Variants in ZAN observed in about 807,000 individuals in gnomAD.
ZAN encodes the protein zonadhesin.
ZAN carries 260 observed loss-of-function variants against 286.2 expected under a neutral mutation model. The observed-to-expected ratio is 0.91, with a 90% CI of 0.82 to 1.01. The LOEUF (loss-of-function observed/expected upper bound fraction) is 1.01. ZAN is among the 50% of genes least tolerant of loss of function. The pLI is 0.00. For missense variants in ZAN, 3,410 were observed against 3,639.2 expected (o/e 0.94, Z 1.62); for synonymous variants, 1,368 against 1,417.5 (o/e 0.97, Z 0.79).
intron 45 of ZAN, among the ~76,000 whole-genome samples, chr7:100,796,243 C>T (rs1181685885): frequency 3.9e-5 from 6 of 152,072 alleles, no homozygotes; most frequent in Non-Finnish European, 1.5e-5. Context: ...TGTGCCTCTC[C>T]AGCACCTTCC....
chr7:100,771,225 C>T (rs1348251518), intron 28 of ZAN, among the ~76,000 whole-genome samples: 1 of 152,110 alleles, frequency 6.6e-6, no homozygotes, highest in African/African-American at 2.4e-5. Flanking sequence ...TAGGCGGGAG[C>T]CACCACACAA....
rs924011520 is a variant in ZAN at position 100,747,633 on chromosome 7, C to T, written c.1015C>T (p.Arg339Trp). 3.2e-5 allele frequency: 52 copies of T among 1,613,660 alleles called. No individual in the cohort carries two copies. The East Asian group carries it at 7.8e-4, about 24-fold the overall frequency. The part of the protein sequence containing the change: ...AVSVNYTAVG[R>W]IQFAVVGVFG... ...TTCTGTCAATTACACAGCCGTGGGACGGATACAGGTACAGAGAAGCAAGGG... is the reference window on the plus strand; with the variant it reads ...TTCTGTCAATTACACAGCCGTGGGATGGATACAGGTACAGAGAAGCAAGGG... The change falls in exon 9 of 48, where the codon CGG (arginine) becomes TGG (tryptophan). Residue 339 changes from arginine (R) to tryptophan (W), a missense_variant. Around this residue, in one of 7 missense-constraint regions of ZAN, gnomAD observed 872 missense variants for 938.9 expected, o/e 0.93. Coordinates refer to ENST00000613979, the MANE Select transcript of ZAN (RefSeq NM_003386.3).
chr7:100,766,728 G>T, intron 24 of ZAN, 62 bp downstream of exon 24: 1 of 1,516,614 alleles, frequency 6.6e-7, no homozygotes, highest in South Asian at 1.3e-5. Flanking sequence ...CAAGGTGATG[G>T]GTCCTGCCCA....
In ZAN at chr7:100,758,639, G is replaced by C. The variant is rs768491766; in HGVS notation, c.3560G>C (p.Gly1187Ala). ...KCTYILAQPC[G>A]NSTDPFFRVT... is the part of the protein sequence containing the mutation. ...ACTTACATCTTGGCCCAGCCCTGTG[G>C]CAACTCAACAGGTAGGCCCTGGAGA... Residue 1187 changes from glycine to alanine, a missense_variant, in exon 17 of 48, where the codon GGC becomes GCC. This residue lies in a region of ZAN where 1,042 missense variants were observed against 1,058.0 expected (regional missense o/e 0.98). Coordinates refer to ENST00000613979, the MANE Select transcript of ZAN (RefSeq NM_003386.3). 8 of 1,554,700 alleles carry C rather than the reference G, an allele frequency of 5.1e-6. No homozygotes were observed. The Admixed American group carries it at 7.8e-5, about 15-fold the overall frequency.
chr7:100,795,166 C>G, intron 44 of ZAN, 30 bp from the exon 45 acceptor site: 1 of 1,595,636 alleles, frequency 6.3e-7, no homozygotes. Context: ...TCCCAGGGCC[C>G]CCCTCCCACA....
Position 100,740,019 on chromosome 7 carries a change from G to A in ZAN, c.766+1406G>A, listed in dbSNP as rs577886314. Among the ~76,000 whole-genome samples the A allele has an allele frequency of 3.5e-5, 5 of 141,518 alleles. No individual in the cohort carries two copies. The South Asian group carries it at 6.6e-4, about 19-fold the overall frequency. 92.8% of individuals were successfully genotyped at this position (141,518 alleles called of 152,430 possible). On this transcript the variant is annotated intron_variant, in intron 7 of 47. Transcript: ENST00000613979. ...TCACATTCAGGACACATTTGAGCAC[G>A]AACTTGAAAAAGGTGAGGTAGTAGC...
intron 7 of ZAN, among the ~76,000 whole-genome samples, chr7:100,741,149 C>T (rs1394543175): frequency 4.1e-4 from 19 of 46,848 alleles, no homozygotes; most frequent in Admixed American, 2.9e-3. Context: ...GCTGGCCGGG[C>T]GGGGGGCTGA....
chr7:100,788,992 C>T (rs1169558373), intron 38 of ZAN, among the ~76,000 whole-genome samples: 1 of 152,150 alleles, frequency 6.6e-6, no homozygotes, highest in Admixed American at 6.6e-5. Context: ...AGCCACTGTG[C>T]CCGGCCTCAC....
intron 20 of ZAN, 56 bp downstream of exon 20, chr7:100,762,414 A>ACG: frequency 7.5e-7 from 1 of 1,341,416 alleles, no homozygotes; most frequent in Non-Finnish European, 9.7e-7. Flanking sequence ...CCTTCCTGGA[A>ACG]CTCTCTTTTT....
Position 100,792,059 on chromosome 7 carries a change from C to A in ZAN, c.7623C>A (p.Ser2541Arg), listed in dbSNP as rs751537325. ...VSECSPEQLA[S>R]NSTQACRVLA... Reference sequence around the variant, plus strand: ...AATGTAGCCCGGAGCAGCTGGCGAGCAACAGCACCCAGGCCTGTAGGGTGC... The same window carrying A: ...AATGTAGCCCGGAGCAGCTGGCGAGAAACAGCACCCAGGCCTGTAGGGTGC... Residue 2541 changes from serine to arginine, a missense_variant, in exon 41 of 48, where the codon AGC becomes AGA. This residue lies in a region of ZAN where 1,289 missense variants were observed against 1,314.3 expected (regional missense o/e 0.98). Transcript: ENST00000613979. The A allele has an allele frequency of 2.5e-6, 4 of 1,613,022 alleles. No homozygotes were observed. In the East Asian group the frequency reaches 8.9e-5, roughly 36 times the overall value.
intron 35 of ZAN, among the ~76,000 whole-genome samples, chr7:100,781,647 C>T (rs1376963378): frequency 1.4e-5 from 2 of 144,800 alleles, no homozygotes; most frequent in African/African-American, 5.0e-5. Context: ...TTTGACATTG[C>T]TATACTTTTT....
chr7:100,768,756 G>A (rs766847863), intron 27 of ZAN, 35 bp downstream of exon 27: 9 of 1,539,506 alleles, frequency 5.8e-6, no homozygotes, highest in Non-Finnish European at 7.0e-6. Context: ...GGCAGGAGGG[G>A]CTGGGCCTGG....
At chr7:100,779,295 C>A in intron 34 of ZAN, 151 bp from the exon 35 acceptor site, 1 of 789,690 alleles carries the variant, frequency 1.3e-6, no homozygotes, top group Non-Finnish European at 2.0e-6. Flanking sequence ...ATCGCTTGAA[C>A]ATGGGAGGGA....
chr7:100,771,812 C>T (rs774781136), intron 28 of ZAN, 32 bp from the exon 29 acceptor site: 90 of 1,592,208 alleles, frequency 5.7e-5, no homozygotes, highest in Non-Finnish European at 7.4e-5. Context: ...CCGGCCCCTC[C>T]CCTGGCTCAT....
Position 100,787,961 on chromosome 7 carries a change from G to C in ZAN, c.7052G>C (p.Gly2351Ala). Residue 2351 changes from glycine (G) to alanine (A), a missense_variant, in exon 38 of 48, where the codon GGC (glycine) becomes GCC (alanine). Transcript: ENST00000613979. ...GACGGCTTCAGCTACCGCTTGCAAG[G>C]CCGCATGACCTATGTTCTGATCAAG... ...TFDGFSYRLQ[G>A]RMTYVLIKTV... 1 of 489,926 alleles carries C rather than the reference G, an allele frequency of 2.0e-6. No homozygotes were observed. Among genetic ancestry groups the C allele is most frequent in the East Asian group, 2.3e-5 (1 of 42,756 alleles). 30.3% of individuals were successfully genotyped at this position (489,926 alleles called of 1,614,324 possible). A position where few individuals can be genotyped will look rare whatever the true frequency, so the allele number is the denominator to read the frequency against.
intron 7 of ZAN, among the ~76,000 whole-genome samples, chr7:100,743,325 A>T (rs942647168): frequency 6.6e-6 from 1 of 151,872 alleles, no homozygotes; most frequent in African/African-American, 2.4e-5. Flanking sequence ...CCTGGCTGAT[A>T]TTCTTTCTTT....
intron 25 of ZAN, 29 bp from the exon 26 acceptor site, chr7:100,767,802 T>G: frequency 6.3e-7 from 1 of 1,597,002 alleles, no homozygotes; most frequent in Non-Finnish European, 8.5e-7. Context: ...TTCCTGACTC[T>G]CCTTTCTACG....
chr7:100,747,333 G>C (rs2115750960), intron 8 of ZAN, among the ~76,000 whole-genome samples: 1 of 152,188 alleles, frequency 6.6e-6, no homozygotes, highest in East Asian at 1.9e-4. Flanking sequence ...GTTGCAGTGA[G>C]CCAAGATAGT....
rs1253364461 is a variant in ZAN, at chr7:100,764,157, G to A, written c.4228G>A (p.Gly1410Ser). The A allele has an allele frequency of 1.0e-5, 16 of 1,604,852 alleles. No individual in the cohort carries two copies. Among genetic ancestry groups the A allele is most frequent in the Non-Finnish European group, 1.4e-5 (16 of 1,176,044 alleles). The change falls in exon 22 of 48, where the codon GGC becomes AGC. Residue 1410 changes from glycine (G) to serine (S), a missense_variant. Gly to Ser is a moderately conservative substitution (Grantham distance 56). Transcript: ENST00000613979. ...STMTTTCQDA[G>S]HAVKPWREPH... Reference sequence around the variant, plus strand: ...CATGACCACCACCTGCCAGGACGCAGGCCACGCTGTGAAGCCCTGGAGGGA... The same window carrying A: ...CATGACCACCACCTGCCAGGACGCAAGCCACGCTGTGAAGCCCTGGAGGGA...
Sources: gnomAD v4.1 joint callset for allele counts (sites outside exome capture counted in the v4.1 genomes callset) on GRCh38, gnomAD v4.1.1 for gene constraint, gnomAD v4.1.1 regional missense constraint, MANE v1.5 for transcripts, NCBI Gene and HGNC (gene_info 2026-07-23, HGNC 2026-07-21) for gene names.